Variants in MBP observed in about 807,000 individuals in gnomAD.
MBP encodes the protein myelin basic protein, also known as Golli-MBP.
In MBP, 16 loss-of-function variants were observed where a neutral mutation model predicts 35.8. The ratio of observed to expected loss-of-function variants is 0.45; its 90% CI spans 0.30 to 0.68. MBP has a LOEUF of 0.68. MBP is among the 30% of genes least tolerant of loss of function. The pLI, the probability that MBP is intolerant of heterozygous loss-of-function variation, is 0.08. For missense variants in MBP, 380 were observed against 404.7 expected (o/e 0.94, Z 0.52); for synonymous variants, 143 against 159.6 (o/e 0.90, Z 0.78).
chr18:77,061,860 A>C (rs747870793), intron 3 of MBP, among the ~76,000 whole-genome samples: 3 of 152,248 alleles, frequency 2.0e-5, no homozygotes, highest in Non-Finnish European at 4.4e-5. Flanking sequence ...CATTAAACAC[A>C]GATATTTCTA....
chr18:77,073,297 C>T (rs1231043220), intron 2 of MBP, among the ~76,000 whole-genome samples: 2 of 152,154 alleles, frequency 1.3e-5, no homozygotes, highest in African/African-American at 4.8e-5. Context: ...CAACACTAGG[C>T]TCATGTTAAG....
chr18:77,132,337 G>C (rs991651857), intron 1 of MBP, among the ~76,000 whole-genome samples: 8 of 152,188 alleles, frequency 5.3e-5, no homozygotes, highest in Non-Finnish European at 8.8e-5. Flanking sequence ...GTTCGGGTCA[G>C]GGAGGCCGCC....
intron 3 of MBP, among the ~76,000 whole-genome samples, chr18:77,031,176 A>G (rs1452526937): frequency 1.3e-5 from 2 of 152,248 alleles, no homozygotes; most frequent in Admixed American, 6.5e-5. Context: ...CTGAAATAAG[A>G]TAATACAACT....
rs117297539 is a variant in MBP, at chr18:77,071,125, G to C, written c.52-4740C>G. Among the ~76,000 whole-genome samples the C allele has an allele frequency of 6.4e-3, 968 of 152,284 alleles. 9 individuals are homozygous for C. Among genetic ancestry groups the C allele is most frequent in the Non-Finnish European group, 0.011 (742 of 68,012 alleles). On this transcript the variant is annotated intron_variant, in intron 2 of 8. Coordinates refer to ENST00000355994, the MANE Select transcript of MBP (RefSeq NM_001025101.2). ...TAAGTTTCTAATCATCACAAAAAAG[G>C]CTGTGAGAGAGGAAAACACTTGCTT... is the stretch of plus-strand genomic sequence containing the variant.
intron 2 of MBP, among the ~76,000 whole-genome samples, chr18:77,085,625 T>G (rs1157053428): frequency 1.3e-5 from 2 of 151,694 alleles, no homozygotes; most frequent in Non-Finnish European, 2.9e-5. Context: ...TTTGGAAAGG[T>G]GAACATAAAA....
intron 2 of MBP, among the ~76,000 whole-genome samples, chr18:77,086,993 C>G (rs1422992131): frequency 6.6e-6 from 1 of 152,202 alleles, no homozygotes; most frequent in African/African-American, 2.4e-5. Flanking sequence ...AGGCGATCCA[C>G]CAAATGTTAC....
Position 76,988,685 on chromosome 18 carries a change from G to A in MBP, c.718-158C>T. 1 of 1,428,958 alleles carries A rather than the reference G, an allele frequency of 7.0e-7. No homozygotes were observed. Among genetic ancestry groups the A allele is most frequent in the Non-Finnish European group, 9.4e-7 (1 of 1,061,526 alleles). 88.5% of individuals were successfully genotyped at this position (1,428,958 alleles called of 1,614,324 possible). A position where few individuals can be genotyped will look rare whatever the true frequency, so the allele number is the denominator to read the frequency against. Reference sequence around the variant, plus strand: ...GGGCCGCAGGCTCAGGGCCACAGCGGCTGTGCAGGTGCGGGAGGGACAGGA... The same window carrying A: ...GGGCCGCAGGCTCAGGGCCACAGCGACTGTGCAGGTGCGGGAGGGACAGGA... On this transcript the variant is annotated intron_variant, in intron 6 of 8. Coordinates refer to ENST00000355994, the MANE Select transcript of MBP (RefSeq NM_001025101.2). The surrounding 1 kb of genome is among the most constrained non-coding windows in gnomAD (Gnocchi z 5.2).
rs71999921 is a variant in MBP at position 77,130,685 on chromosome 18, GT to G, written c.-26+1894del. Among the ~76,000 whole-genome samples, 164 of 146,060 alleles carry G rather than the reference GT, an allele frequency of 1.1e-3. 1 individual carries two copies. Among genetic ancestry groups the G allele is most frequent in the African/African-American group, 1.7e-3 (67 of 39,738 alleles). ...ACATCACAAGAAAGTTTGGTCTCTT[GT>G]TTTTTTTTTTTCTTTTTTCCCCAGC... On this transcript the variant is annotated intron_variant, in intron 1 of 8. Transcript: ENST00000355994.
rs1000361573 is a variant in MBP, at chr18:76,984,984, A to C, written c.751-90T>G. On this transcript the variant is annotated intron_variant, in intron 7 of 8. Transcript: ENST00000355994. ...GGGAGCTGCCACCAGGGCCCCGGGG[A>C]AGGGCCCAGGCCCCGGACTGGACTG... 4.5e-5 allele frequency: 71 copies of C among 1,571,686 alleles called. No individual in the cohort carries two copies. In the Admixed American group the frequency reaches 4.8e-4, roughly 11 times the overall value.
chr18:77,015,786 G>C, intron 4 of MBP: 1 of 985,430 alleles, frequency 1.0e-6, no homozygotes, highest in Non-Finnish European at 1.2e-6. Context: ...TTAACTCCAA[G>C]TTGCCCTATG....
chr18:77,067,409 C>T (rs58617827), intron 2 of MBP, among the ~76,000 whole-genome samples: 8,497 of 152,228 alleles, frequency 0.056, 248 homozygotes, highest in South Asian at 0.11. Context: ...GACGTCATGT[C>T]GGCACGCACA....
At chr18:77,012,685 T>A in intron 4 of MBP, 1 of 637,842 alleles carries the variant, frequency 1.6e-6, no homozygotes. Flanking sequence ...CTGCCAGCTG[T>A]GTCACCAGGC....
intron 3 of MBP, among the ~76,000 whole-genome samples, chr18:77,056,524 A>G (rs1973730107): frequency 6.6e-6 from 1 of 152,148 alleles, no homozygotes; most frequent in African/African-American, 2.4e-5. Context: ...TCCCTGCGGG[A>G]GGCAGGGGCC....
chr18:77,007,419 G>A (rs1331964270), intron 4 of MBP, among the ~76,000 whole-genome samples: 1 of 152,190 alleles, frequency 6.6e-6, no homozygotes, highest in Non-Finnish European at 1.5e-5. Context: ...CCCTCTGTGT[G>A]CACCTCCTGC....
intron 4 of MBP, chr18:77,012,996 G>T: frequency 1.0e-6 from 1 of 985,368 alleles, no homozygotes. Flanking sequence ...ATTAACTATC[G>T]TCTATTCATA....
chr18:77,002,186 G>A (rs55755419), intron 4 of MBP, among the ~76,000 whole-genome samples: 4,222 of 152,216 alleles, frequency 0.028, 72 homozygotes, highest in South Asian at 0.039. Flanking sequence ...GGAATGGTGC[G>A]TTCTCATGGA....
chr18:77,081,862 T>A (rs199915213), intron 2 of MBP, among the ~76,000 whole-genome samples: 51,140 of 96,802 alleles, frequency 0.53, 10,230 homozygotes, highest in East Asian at 0.65. Flanking sequence ...ATATATTTTT[T>A]TTTTTTTGAG....
chr18:77,056,365 C>A (rs1034042300), intron 3 of MBP, among the ~76,000 whole-genome samples: 2 of 152,210 alleles, frequency 1.3e-5, no homozygotes, highest in Non-Finnish European at 2.9e-5. Context: ...CTCTAGAAAA[C>A]TTGCCACTAT....
intron 4 of MBP, chr18:77,015,481 G>A: frequency 1.0e-6 from 1 of 985,432 alleles, no homozygotes; most frequent in African/African-American, 1.7e-5. Flanking sequence ...CAGGGTGAGG[G>A]AGGACTGCTA....
Sources: gnomAD v4.1 joint callset for allele counts (sites outside exome capture counted in the v4.1 genomes callset) on GRCh38, gnomAD v4.1.1 for gene constraint, Gnocchi (gnomAD v3.1) non-coding constraint, MANE v1.5 for transcripts, NCBI Gene and HGNC (gene_info 2026-07-23, HGNC 2026-07-21) for gene names.